The following ADCY9 variants were observed in gnomAD, a reference collection of about 807,000 sequenced individuals.
ADCY9 encodes the protein adenylate cyclase 9.
ADCY9 carries 50 observed loss-of-function variants against 101.5 expected under a neutral mutation model. That is an observed-to-expected ratio of 0.49 (90% CI 0.39 to 0.62). ADCY9 has a LOEUF of 0.62. ADCY9 is among the 20% of genes least tolerant of loss of function. The probability of loss-of-function intolerance (pLI) is 0.00; values close to 1 mark genes in which losing one functional copy is unlikely to be tolerated. For synonymous variants in ADCY9, 905 were observed against 769.3 expected (o/e 1.18, Z -2.92); for missense variants, 1,662 against 1,800.4 (o/e 0.92, Z 1.39).
At chr16:4,076,177 C>T (rs1251434820) in intron 2 of ADCY9, among the ~76,000 whole-genome samples, 1 of 152,126 alleles carries the variant, frequency 6.6e-6, no homozygotes, top group Non-Finnish European at 1.5e-5. Context: ...TGTACTGCAG[C>T]CTGTGCAACA....
At chr16:4,043,397 G>T (rs1371261247) in intron 2 of ADCY9, among the ~76,000 whole-genome samples, 1 of 151,912 alleles carries the variant, frequency 6.6e-6, no homozygotes, top group South Asian at 2.1e-4. Flanking sequence ...AGTCTGGCCC[G>T]GCGCGGTGGC....
At chr16:3,962,396 A>G (rs1009765725), downstream of ADCY9, among the ~76,000 whole-genome samples, 3 of 152,186 alleles carry the variant, frequency 2.0e-5, no homozygotes, top group Non-Finnish European at 4.4e-5. Context: ...CCTTACTTTT[A>G]TTGTTTAAAA....
chr16:4,082,699 T>A (rs1450627497), intron 2 of ADCY9, among the ~76,000 whole-genome samples: 1 of 120,266 alleles, frequency 8.3e-6, no homozygotes, highest in African/African-American at 3.0e-5. Flanking sequence ...CACACATATA[T>A]GCACACCCAC....
At chr16:4,097,548 T>TA (rs1567147027) in intron 2 of ADCY9, among the ~76,000 whole-genome samples, 1 of 53,530 alleles carries the variant, frequency 1.9e-5, no homozygotes, top group African/African-American at 1.2e-4. Flanking sequence ...TATATATATA[T>TA]ATATATTTTT....
At chr16:4,113,098 C>G (rs1179021487) in intron 2 of ADCY9, among the ~76,000 whole-genome samples, 6 of 151,508 alleles carry the variant, frequency 4.0e-5, no homozygotes, top group Non-Finnish European at 7.4e-5. Context: ...AAGCTCTTCA[C>G]TTAAGGCAAA....
intron 5 of ADCY9, among the ~76,000 whole-genome samples, chr16:3,956,790 C>A (rs937651636): frequency 2.0e-5 from 3 of 151,920 alleles, no homozygotes; most frequent in Non-Finnish European, 2.9e-5. Context: ...CCACCGTGCC[C>A]GGCCAGCAAT....
chr16:3,977,345 G>A, intron 9 of ADCY9, 137 bp downstream of exon 9: 2 of 1,126,306 alleles, frequency 1.8e-6, no homozygotes, highest in South Asian at 1.6e-5. Flanking sequence ...GATGTGTGCT[G>A]ACAGCTATTT....
rs368952948 is a variant in ADCY9, at chr16:4,054,486, C to T, written c.1694-46928G>A. 2.0e-5 allele frequency among the ~76,000 whole-genome samples: 3 copies of T among 152,300 alleles called. No homozygotes were observed. In the South Asian group the frequency reaches 6.2e-4, roughly 32 times the overall value. On this transcript the variant is annotated intron_variant, in intron 2 of 10. Transcript: ENST00000294016. The stretch of plus-strand genomic sequence containing the variant: ...GAAACTCTTCCTATTACTCTCTGCC[C>T]ATTTCGCAAACCTTCTTGCTGGAGG...
chr16:4,059,123 C>T (rs1216034846), intron 2 of ADCY9, among the ~76,000 whole-genome samples: 7 of 152,018 alleles, frequency 4.6e-5, no homozygotes, highest in Non-Finnish European at 5.9e-5. Flanking sequence ...CGATGGCTCA[C>T]GCCTTTAATC....
intron 2 of ADCY9, among the ~76,000 whole-genome samples, chr16:4,052,922 A>G (rs1489153477): frequency 1.3e-5 from 2 of 152,216 alleles, no homozygotes; most frequent in Admixed American, 1.3e-4. Context: ...TCTTGACATG[A>G]GCGGCTCTTC....
downstream of ADCY9, among the ~76,000 whole-genome samples, chr16:3,961,693 T>C (rs1039309719): frequency 1.3e-5 from 2 of 152,044 alleles, no homozygotes; most frequent in African/African-American, 4.8e-5. Context: ...TTGTGGAGTC[T>C]ACAAAAGAAT....
intron 2 of ADCY9, among the ~76,000 whole-genome samples, chr16:4,011,379 G>C (rs2056403369): frequency 1.3e-5 from 2 of 152,192 alleles, no homozygotes; most frequent in Non-Finnish European, 2.9e-5. Flanking sequence ...CGGGCAGCAG[G>C]GGGGCGGGAG....
rs976975587 is a variant in ADCY9, at chr16:3,979,058, A to T, written c.2679+58T>A. On this transcript the variant is annotated intron_variant, in intron 8 of 10. Transcript: ENST00000294016. ...TTGCTATCCCAAGTGATTTAAAGAA[A>T]AGAGAGATTAGGGAGTCCAGGAGAG... The T allele has an allele frequency of 1.9e-6, 3 of 1,599,436 alleles. No individual in the cohort carries two copies. In the African/African-American group the frequency reaches 4.0e-5, roughly 21 times the overall value.
At chr16:3,962,038 T>C (rs552981163), downstream of ADCY9, among the ~76,000 whole-genome samples, 45 of 46,518 alleles carry the variant, frequency 9.7e-4, no homozygotes, top group African/African-American at 1.9e-3. Flanking sequence ...TAAATAAAAA[T>C]TAAAAAAAAA....
chr16:4,045,594 T>TAA (rs545715002), intron 2 of ADCY9, among the ~76,000 whole-genome samples: 22,285 of 64,290 alleles, frequency 0.35, 4,601 homozygotes, highest in East Asian at 0.43. Flanking sequence ...GACTCTGCCT[T>TAA]AAAAAAAAAA....
Position 3,966,462 on chromosome 16 carries a change from G to A in ADCY9, c.3375C>T (p.Ala1125=), listed in dbSNP as rs148547580. 5.6e-4 allele frequency: 902 copies of A among 1,614,102 alleles called. 14 individuals are homozygous for A. In the East Asian group the frequency reaches 0.017, roughly 31 times the overall value. ...MAASGLNTAQ[A]QDGSHPQEHL... is the part of the protein sequence containing the mutation. ...GCTCCTGCGGGTGGCTGCCGTCCTG[G>A]GCCTGCGCGGTGTTCAGCCCTGACG... Residue 1125 remains alanine (A), a synonymous_variant, in exon 11 of 11, where the codon GCC becomes GCT. Transcript: ENST00000294016.
chr16:3,972,617 G>A lies in ADCY9; in HGVS notation c.2870+2052C>T, dbSNP rs185622461. ...GTTAGAGTAAAATACAGTGTAATCC[G>A]TTATCATGGAGAAGAGGGATTGAAA... On this transcript the variant is annotated intron_variant, in intron 10 of 10. Coordinates refer to ENST00000294016, the MANE Select transcript of ADCY9 (RefSeq NM_001116.4). Among the ~76,000 whole-genome samples the A allele has an allele frequency of 2.7e-3, 410 of 152,234 alleles. 7 individuals carry two copies. Among genetic ancestry groups the A allele is most frequent in the African/African-American group, 8.7e-3 (361 of 41,536 alleles).
intron 2 of ADCY9, among the ~76,000 whole-genome samples, chr16:4,046,103 G>A (rs1052041468): frequency 1.4e-4 from 22 of 151,896 alleles, no homozygotes; most frequent in African/African-American, 3.9e-4. Context: ...CTCCTGCCTC[G>A]GCCTCCCAAA....
chr16:3,954,155 G>T (rs1234122241), intron 5 of ADCY9, among the ~76,000 whole-genome samples: 1 of 152,176 alleles, frequency 6.6e-6, no homozygotes, highest in Non-Finnish European at 1.5e-5. Context: ...CCCCACTGAC[G>T]CACCCCGTCC....
Sources: allele counts gnomAD v4.1 joint callset (sites outside exome capture counted in the v4.1 genomes callset), GRCh38; gene constraint gnomAD v4.1.1; transcripts MANE v1.5; gene names NCBI Gene and HGNC (gene_info 2026-07-23, HGNC 2026-07-21).